The following IL15 variants were observed in gnomAD, a reference collection of about 807,000 sequenced individuals.
IL15 encodes interleukin 15.
In IL15, 11 loss-of-function variants were observed where a neutral mutation model predicts 19.6. That is an observed-to-expected ratio of 0.56 (90% CI 0.35 to 0.93). IL15 has a LOEUF of 0.93. Ranked by LOEUF, IL15 falls within the 40% of genes least tolerant of loss-of-function variation. The probability of loss-of-function intolerance (pLI) is 0.01; values close to 1 mark genes in which losing one functional copy is unlikely to be tolerated. For missense variants in IL15, 197 were observed against 186.5 expected (o/e 1.06, Z -0.33); for synonymous variants, 58 against 59.6 (o/e 0.97, Z 0.12).
chr4:141,708,458 C>T (rs1432739642), intron 2 of IL15, among the ~76,000 whole-genome samples: 2 of 151,996 alleles, frequency 1.3e-5, no homozygotes, highest in Admixed American at 6.6e-5. Flanking sequence ...AAGGTGGGCT[C>T]CTACTGTGAG....
At chr4:141,681,196 C>A (rs17364630) in intron 2 of IL15, among the ~76,000 whole-genome samples, 11 of 151,700 alleles carry the variant, frequency 7.3e-5, no homozygotes, top group Non-Finnish European at 1.6e-4. Context: ...CCTTTTGATT[C>A]TTGCTCTGAT....
At chr4:141,655,876 TAAAGAG>T (rs1727574415) in intron 1 of IL15, among the ~76,000 whole-genome samples, 1 of 152,188 alleles carries the variant, frequency 6.6e-6, no homozygotes, top group African/African-American at 2.4e-5. Flanking sequence ...TATTTTGTGA[TAAAGAG>T]AAAGACAATT....
At chr4:141,649,664 A>G (rs1342110475) in intron 1 of IL15, among the ~76,000 whole-genome samples, 2 of 152,238 alleles carry the variant, frequency 1.3e-5, no homozygotes, top group East Asian at 3.9e-4. Flanking sequence ...ACATTTTTCA[A>G]TAGTAAATAA....
chr4:141,718,233 A>T (rs1729955862), intron 2 of IL15: 1 of 152,124 alleles, frequency 6.6e-6, no homozygotes, highest in Non-Finnish European at 1.5e-5. Context: ...CCTAATTAAG[A>T]ATTATATCAC....
intron 2 of IL15, among the ~76,000 whole-genome samples, chr4:141,681,379 T>C (rs1313560156): frequency 6.6e-6 from 1 of 152,102 alleles, no homozygotes; most frequent in Non-Finnish European, 1.5e-5. Flanking sequence ...TTTCTCAGTG[T>C]CCAAAGGGAT....
chr4:141,652,303 A>G (rs1293453806), intron 1 of IL15, among the ~76,000 whole-genome samples: 1 of 152,126 alleles, frequency 6.6e-6, no homozygotes, highest in Non-Finnish European at 1.5e-5. Context: ...TAATTTGTAC[A>G]GCCCAAGTGG....
chr4:141,717,729 C>T (rs149675211), intron 2 of IL15: 3,923 of 151,454 alleles, frequency 0.026, 178 homozygotes, highest in African/African-American at 0.09. Context: ...GGCATGATCT[C>T]GGCTCACCAC....
chr4:141,729,713 C>T, intron 6 of IL15, 134 bp from the exon 7 acceptor site: 1 of 545,668 alleles, frequency 1.8e-6, no homozygotes, highest in Non-Finnish European at 3.2e-6. Context: ...AAGCTGCCTC[C>T]TATGTAAAAT....
intron 2 of IL15, among the ~76,000 whole-genome samples, chr4:141,711,115 G>T (rs1729704166): frequency 6.6e-6 from 1 of 152,070 alleles, no homozygotes; most frequent in South Asian, 2.1e-4. Flanking sequence ...AGTGTCATCA[G>T]AACTGTATAC....
chr4:141,723,539 C>A (rs1248293193), intron 5 of IL15, among the ~76,000 whole-genome samples: 1 of 152,172 alleles, frequency 6.6e-6, no homozygotes, highest in African/African-American at 2.4e-5. Flanking sequence ...CCTACCAACA[C>A]CTTGACTTTG....
At chr4:141,730,961 A>G (rs1001689833) in intron 7 of IL15, among the ~76,000 whole-genome samples, 2 of 152,194 alleles carry the variant, frequency 1.3e-5, no homozygotes, top group Admixed American at 6.5e-5. Context: ...TATGAAGTCC[A>G]GTGGTGAAAA....
chr4:141,732,025 G>T (rs1438829976), intron 7 of IL15, among the ~76,000 whole-genome samples: 1 of 152,108 alleles, frequency 6.6e-6, no homozygotes, highest in Admixed American at 6.5e-5. Context: ...AAACATACTG[G>T]CTCTGACCTT....
chr4:141,704,911 T>C (rs1363941352), intron 2 of IL15, among the ~76,000 whole-genome samples: 1 of 151,894 alleles, frequency 6.6e-6, no homozygotes, highest in Non-Finnish European at 1.5e-5. Context: ...TGTATTTTTG[T>C]AGTATCAGTT....
At chr4:141,663,291 G>A (rs1035057699) in intron 2 of IL15, among the ~76,000 whole-genome samples, 5 of 152,022 alleles carry the variant, frequency 3.3e-5, no homozygotes, top group Admixed American at 6.6e-5. Context: ...ATGCTATAGG[G>A]GCAGAAATTG....
chr4:141,674,200 A>G (rs1199560363), intron 2 of IL15, among the ~76,000 whole-genome samples: 2 of 152,178 alleles, frequency 1.3e-5, no homozygotes, highest in Non-Finnish European at 2.9e-5. Flanking sequence ...TTTATTCTCA[A>G]CTGAAGTGTA....
At chr4:141,719,939 A>G (rs959613573) in intron 3 of IL15, among the ~76,000 whole-genome samples, 1 of 152,170 alleles carries the variant, frequency 6.6e-6, no homozygotes, top group African/African-American at 2.4e-5. Context: ...AATCACCAAG[A>G]AAGATTATTA....
At chr4:141,650,906 G>T (rs1727381353) in intron 1 of IL15, among the ~76,000 whole-genome samples, 2 of 152,034 alleles carry the variant, frequency 1.3e-5, no homozygotes. Flanking sequence ...ATCAAGCCTA[G>T]GGTCCAAGTC....
chr4:141,719,226 G>T, intron 2 of IL15, 140 bp from the exon 3 acceptor site: 1 of 372,900 alleles, frequency 2.7e-6, no homozygotes, highest in East Asian at 4.1e-5. Context: ...TACCATTATT[G>T]TAAAGATTAA....
At chr4:141,718,512 A>G (rs908247923) in intron 2 of IL15, 1 of 152,192 alleles carries the variant, frequency 6.6e-6, no homozygotes, top group Non-Finnish European at 1.5e-5. Context: ...TAGATTTGAT[A>G]TGTTCTTGTG....
Sources: allele counts gnomAD v4.1 joint callset (sites outside exome capture counted in the v4.1 genomes callset), GRCh38; gene constraint gnomAD v4.1.1; transcripts MANE v1.5; gene names NCBI Gene and HGNC (gene_info 2026-07-23, HGNC 2026-07-21).